The following SAMD12 variants were observed in gnomAD, a reference collection of about 807,000 sequenced individuals.
The protein encoded by SAMD12 is sterile alpha motif domain containing 12.
Under a neutral mutation model 15.0 loss-of-function variants are expected in SAMD12, and 9 were observed. The observed-to-expected ratio is 0.60, with a 90% CI of 0.36 to 1.05. The LOEUF is 1.05. Ranked by LOEUF, SAMD12 falls within the 50% of genes least tolerant of loss-of-function variation. The pLI is 0.01. For missense variants in SAMD12, 230 were observed against 234.2 expected, an observed-to-expected ratio of 0.98 and a Z score of 0.12; for synonymous variants, 86 against 90.1, an observed-to-expected ratio of 0.96 and a Z score of 0.25.
intron 3 of SAMD12, among the ~76,000 whole-genome samples, chr8:118,422,212 C>T (rs757716592): frequency 2.4e-4 from 37 of 152,210 alleles, no homozygotes; most frequent in Non-Finnish European, 5.0e-4. Flanking sequence ...TTATGCCAGG[C>T]ACTGGGTTAA....
chr8:118,397,219 G>C (rs1220263706), intron 3 of SAMD12, among the ~76,000 whole-genome samples: 1 of 152,156 alleles, frequency 6.6e-6, no homozygotes, highest in Non-Finnish European at 1.5e-5. Flanking sequence ...AAACCCACAG[G>C]CAAGAAGAAA....
chr8:118,421,527 T>C (rs1239898313), intron 3 of SAMD12, among the ~76,000 whole-genome samples: 1 of 152,206 alleles, frequency 6.6e-6, no homozygotes, highest in East Asian at 1.9e-4. Flanking sequence ...AATCTATTAA[T>C]AGCATTGTTC....
At chr8:118,520,430 C>T (rs976741410) in intron 2 of SAMD12, among the ~76,000 whole-genome samples, 1 of 152,148 alleles carries the variant, frequency 6.6e-6, no homozygotes, top group Non-Finnish European at 1.5e-5. Context: ...AAATCACTTT[C>T]TCAGAAGTCT....
At chr8:118,415,904 GC>G (rs1821664420) in intron 3 of SAMD12, among the ~76,000 whole-genome samples, 1 of 152,188 alleles carries the variant, frequency 6.6e-6, no homozygotes, top group South Asian at 2.1e-4. Context: ...AGAGCCTGAG[GC>G]CTCAGATGAT....
chr8:118,505,664 C>T (rs142210021), intron 2 of SAMD12, among the ~76,000 whole-genome samples: 52 of 151,640 alleles, frequency 3.4e-4, no homozygotes, highest in Non-Finnish European at 6.8e-4. Flanking sequence ...ATTTGTGAGT[C>T]AGTCACGCAT....
At chr8:118,166,195 A>ATT in the SAMD12 span, among the ~76,000 whole-genome samples, 3 of 152,200 alleles carry the variant, frequency 2.0e-5, no homozygotes, top group Admixed American at 2.0e-4. Context: ...TCAAAAATGG[A>ATT]TATAAGGGGT....
In SAMD12 at chr8:118,439,937, G is replaced by A. The variant is rs747327638; in HGVS notation, c.217C>T (p.Pro73Ser). ...TCCTGCTGGGTCCATAGAGCCACCG[G>A]TTTAGATAGCTTCACCGTAGCTGAC... is the stretch of plus-strand genomic sequence containing the variant. ...AKSATVKLSK[P>S]VALWTQQDVC... Residue 73 changes from proline (P) to serine (S), a missense_variant, in exon 3 of 4, where the codon CCG (proline) becomes TCG (serine). Physicochemically the swap from Pro to Ser is moderately conservative, Grantham distance 74. Transcript: ENST00000314727. The A allele has an allele frequency of 6.2e-7, 1 of 1,613,708 alleles. No individual in the cohort carries two copies. The highest frequency in any genetic ancestry group is 8.5e-7 in the Non-Finnish European group (1 of 1,179,666).
chr8:118,195,352 C>G (rs913608719), exon 5 of SAMD12: 4 of 152,096 alleles, frequency 2.6e-5, no homozygotes, highest in Admixed American at 6.5e-5. Context: ...ACTGTGTGTC[C>G]CCTGGATGAG....
At position 118,555,861 on chromosome 8, in the gene SAMD12, A is replaced by G. The variant is rs59778345; in HGVS notation, c.192+24854T>C. On this transcript the variant is annotated intron_variant, in intron 2 of 3. Coordinates refer to ENST00000314727, the MANE Select transcript of SAMD12 (RefSeq NM_207506.3). ...GAAGCCTCTTTCCAACTGCAATGTA[A>G]AATTGGGTAATAGTTACAATTGGAT... 4.6e-3 allele frequency among the ~76,000 whole-genome samples: 700 copies of G among 152,362 alleles called. 5 individuals carry two copies. Among genetic ancestry groups the G allele is most frequent in the African/African-American group, 0.016 (670 of 41,588 alleles).
chr8:118,240,962 T>A (rs1276963383), intron 4 of SAMD12, among the ~76,000 whole-genome samples: 3 of 152,120 alleles, frequency 2.0e-5, no homozygotes, highest in Non-Finnish European at 4.4e-5. Context: ...CACCCCATCA[T>A]TCAATCACCT....
chr8:118,284,283 A>C, intron 4 of SAMD12: 1 of 456,284 alleles, frequency 2.2e-6, no homozygotes, highest in South Asian at 1.5e-5. Flanking sequence ...TTGGGTGTGC[A>C]CCTGGCTTGC....
chr8:118,451,030 CTT>C (rs1162283359), intron 2 of SAMD12, among the ~76,000 whole-genome samples: 1 of 152,136 alleles, frequency 6.6e-6, no homozygotes, highest in Non-Finnish European at 1.5e-5. Context: ...GTCTTAAAAA[CTT>C]TACGTAAATC....
rs141081897 is a variant in SAMD12, at chr8:118,602,904, C to G, written c.13+18900G>C. 3.5e-3 allele frequency among the ~76,000 whole-genome samples: 528 copies of G among 152,042 alleles called. 7 individuals carry two copies. Among genetic ancestry groups the G allele is most frequent in the African/African-American group, 0.012 (512 of 41,470 alleles). On this transcript the variant is annotated intron_variant, in intron 1 of 3. Coordinates refer to ENST00000314727, the MANE Select transcript of SAMD12 (RefSeq NM_207506.3). ...AAAACAAACAATTAGGAAGAAAGAA[C>G]TATGAAGAGAGGAGTACACTAAGAA...
At chr8:118,339,830 C>T (rs1225555565) in intron 4 of SAMD12, among the ~76,000 whole-genome samples, 5 of 152,204 alleles carry the variant, frequency 3.3e-5, no homozygotes, top group Non-Finnish European at 7.3e-5. Context: ...CTCCAGGGCA[C>T]GTTTTCACAC....
chr8:118,524,555 CA>C (rs1825481758), intron 2 of SAMD12, among the ~76,000 whole-genome samples: 1 of 152,126 alleles, frequency 6.6e-6, no homozygotes. Flanking sequence ...ATGCCAGTGC[CA>C]ATGCCTGCCA....
intron 4 of SAMD12, among the ~76,000 whole-genome samples, chr8:118,299,130 A>G (rs924796860): frequency 6.6e-6 from 1 of 152,178 alleles, no homozygotes; most frequent in Non-Finnish European, 1.5e-5. Context: ...CATTTGCATA[A>G]CAGAAGGAAG....
At chr8:118,401,321 T>C (rs1044603942) in intron 3 of SAMD12, among the ~76,000 whole-genome samples, 13 of 152,196 alleles carry the variant, frequency 8.5e-5, no homozygotes, top group African/African-American at 3.1e-4. Context: ...AGCAATAGTC[T>C]TACTGGTTCC....
chr8:118,582,761 A>G (rs1454905146), intron 1 of SAMD12, among the ~76,000 whole-genome samples: 2 of 152,240 alleles, frequency 1.3e-5, no homozygotes, highest in African/African-American at 4.8e-5. Flanking sequence ...CATTTAGTAT[A>G]CACGATTTCA....
chr8:118,425,721 G>C (rs1586705959), intron 3 of SAMD12, among the ~76,000 whole-genome samples: 3 of 152,238 alleles, frequency 2.0e-5, no homozygotes. Context: ...ATAAAGACAG[G>C]GGAAAAAATA....
Sources: gnomAD v4.1 joint callset for allele counts (sites outside exome capture counted in the v4.1 genomes callset) on GRCh38, gnomAD v4.1.1 for gene constraint, MANE v1.5 for transcripts, NCBI Gene and HGNC (gene_info 2026-07-23, HGNC 2026-07-21) for gene names.